Variants in CEP68 observed in about 807,000 individuals in gnomAD.
CEP68 encodes the protein centrosomal protein of 68 kDa.
Under a neutral mutation model 55.3 loss-of-function variants are expected in CEP68, and 26 were observed. The observed-to-expected ratio is 0.47, with a 90% confidence interval of 0.34 to 0.65. The LOEUF (loss-of-function observed/expected upper bound fraction) is 0.65. Ranked by LOEUF, CEP68 falls within the 30% of genes least tolerant of loss-of-function variation. The pLI is 0.01. For synonymous variants in CEP68, 402 were observed against 383.2 expected, an observed-to-expected ratio of 1.05 and a Z score of -0.57; for missense variants, 957 against 946.7, an observed-to-expected ratio of 1.01 and a Z score of -0.14.
At chr2:65,065,501 T>C (rs1411791017) in intron 1 of CEP68, among the ~76,000 whole-genome samples, 3 of 152,178 alleles carry the variant, frequency 2.0e-5, no homozygotes, top group Non-Finnish European at 2.9e-5. Context: ...TGAAAGGACA[T>C]ATAACGAAAC....
At position 65,063,943 on chromosome 2, in the gene CEP68, CAT is replaced by C. The variant is rs149473874; in HGVS notation, c.-46-5455_-46-5454del. On this transcript the variant is annotated intron_variant, in intron 1 of 6. Transcript: ENST00000377990. ...ATAGATTGGTTTTTATTTTCTTTCA[CAT>C]GTGTCTGTCTTGGTTCTCATAATAA... Among the ~76,000 whole-genome samples the C allele has an allele frequency of 5.4e-3, 817 of 152,272 alleles. 10 individuals are homozygous for C. The highest frequency in any genetic ancestry group is 0.018 in the African/African-American group (764 of 41,548).
At chr2:65,081,018 C>G (rs927750666) in intron 5 of CEP68, among the ~76,000 whole-genome samples, 17 of 152,044 alleles carry the variant, frequency 1.1e-4, no homozygotes, top group African/African-American at 3.9e-4. Context: ...CGAGACCAGC[C>G]TGGCCAGCAT....
intron 1 of CEP68, among the ~76,000 whole-genome samples, chr2:65,056,984 C>A (rs1675645030): frequency 6.6e-6 from 1 of 152,208 alleles, no homozygotes; most frequent in Non-Finnish European, 1.5e-5. Context: ...GGGCCTTTCC[C>A]CCTGGAAAGA....
intron 1 of CEP68, among the ~76,000 whole-genome samples, chr2:65,062,261 C>T (rs959224428): frequency 2.6e-5 from 4 of 152,158 alleles, no homozygotes; most frequent in Admixed American, 1.3e-4. Flanking sequence ...TGGCCAGGTG[C>T]GGTGACTCCC....
At chr2:65,056,635 C>G (rs1441034138) in intron 1 of CEP68, 107 bp downstream of exon 1, 1 of 152,052 alleles carries the variant, frequency 6.6e-6, no homozygotes, top group Non-Finnish European at 1.5e-5. Context: ...CCCCGCGTCT[C>G]TTCGGTGCCT....
intron 4 of CEP68, among the ~76,000 whole-genome samples, chr2:65,077,606 G>C (rs1558567407): frequency 6.6e-6 from 1 of 152,178 alleles, no homozygotes; most frequent in East Asian, 1.9e-4. Context: ...ACTCCAAGCT[G>C]TTTGTGAGCC....
At chr2:65,079,566 C>G (rs1676914244) in intron 5 of CEP68, among the ~76,000 whole-genome samples, 1 of 152,220 alleles carries the variant, frequency 6.6e-6, no homozygotes, top group Non-Finnish European at 1.5e-5. Flanking sequence ...GGCATTTTCA[C>G]TAGGGTTCTT....
intron 5 of CEP68, chr2:65,080,191 A>T: frequency 1.0e-6 from 1 of 970,304 alleles, no homozygotes; most frequent in Non-Finnish European, 1.2e-6. Flanking sequence ...TTTAAAATCA[A>T]TTTAATAATA....
chr2:65,074,397 T>G lies in CEP68; in HGVS notation c.2000T>G (p.Leu667Arg). The change falls in exon 4 of 7, where the codon CTT becomes CGT. Residue 667 changes from leucine (L) to arginine (R), a missense_variant. Coordinates refer to ENST00000377990, the MANE Select transcript of CEP68 (RefSeq NM_015147.3). ...ACAAGTCTCAAGTCTTCTCTGCAGC[T>G]TTACCGGGTAATATGCGGTCCTGGC... ...NLTSLKSSLQLYRQFKKDIDE... is the reference protein window; with the variant it reads ...NLTSLKSSLQRYRQFKKDIDE... 6.2e-7 allele frequency: 1 copy of G among 1,614,198 alleles called. No individual in the cohort carries two copies. The highest frequency in any genetic ancestry group is 8.5e-7 in the Non-Finnish European group (1 of 1,180,008).
chr2:65,064,430 G>A (rs1379348975), intron 1 of CEP68, among the ~76,000 whole-genome samples: 1 of 152,104 alleles, frequency 6.6e-6, no homozygotes, highest in East Asian at 1.9e-4. Context: ...GCCATTGAGA[G>A]AGTTTTTAGA....
chr2:65,078,535 TTTTTG>T (rs1441846071), intron 5 of CEP68, among the ~76,000 whole-genome samples: 5 of 152,282 alleles, frequency 3.3e-5, no homozygotes, highest in East Asian at 1.9e-4. Flanking sequence ...CTCAAGCCCC[TTTTTG>T]TTTTGTTTTG....
At position 65,071,645 on chromosome 2, in the gene CEP68, C is replaced by T. The variant is rs150940314; in HGVS notation, c.549C>T (p.Ser183=). 1.5e-5 allele frequency: 24 copies of T among 1,614,058 alleles called. No homozygotes were observed. The South Asian group carries it at 1.8e-4, about 12-fold the overall frequency. The change falls in exon 3 of 7, where the codon TCC becomes TCT. Residue 183 remains serine (S), a synonymous_variant. Coordinates refer to ENST00000377990, the MANE Select transcript of CEP68 (RefSeq NM_015147.3). ...SGLSCLSQWK[S]VLSPGSAAQP... is the part of the protein sequence containing the mutation. ...TCTCTTGCCTGTCACAGTGGAAGTC[C>T]GTGCTGAGCCCAGGTTCCGCAGCTC... is the stretch of plus-strand genomic sequence containing the variant.
chr2:65,065,232 C>G (rs1676109516), intron 1 of CEP68, among the ~76,000 whole-genome samples: 1 of 152,260 alleles, frequency 6.6e-6, no homozygotes, highest in Admixed American at 6.5e-5. Flanking sequence ...GCCTCAGCAG[C>G]TCTACTTCTG....
chr2:65,075,068 G>C (rs901172867), intron 4 of CEP68: 3 of 153,106 alleles, frequency 2.0e-5, no homozygotes, highest in African/African-American at 7.2e-5. Flanking sequence ...TTAAAGATCT[G>C]AGCTGAAATT....
intron 6 of CEP68, among the ~76,000 whole-genome samples, 199 bp downstream of exon 6, chr2:65,082,908 C>T (rs1301548471): frequency 1.3e-5 from 2 of 152,224 alleles, no homozygotes; most frequent in African/African-American, 2.4e-5. Context: ...CATTACTGTT[C>T]ACCCCTGCTG....
chr2:65,072,877 C>T lies in CEP68; in HGVS notation c.1781C>T (p.Pro594Leu). 1 of 1,614,226 alleles carries T rather than the reference C, an allele frequency of 6.2e-7. No individual in the cohort carries two copies. The highest frequency in any genetic ancestry group is 8.5e-7 in the Non-Finnish European group (1 of 1,180,048). The change falls in exon 3 of 7, where the codon CCA becomes CTA. Residue 594 changes from proline to leucine, a missense_variant. By Grantham distance (98) the Pro-to-Leu change is moderately conservative. Coordinates refer to ENST00000377990, the MANE Select transcript of CEP68 (RefSeq NM_015147.3). ...CTGCTGAAAACACGCCCCTCCTTGCCAGCTAGGTTGGACCGGTGGCCATTC... is the reference window on the plus strand; with the variant it reads ...CTGCTGAAAACACGCCCCTCCTTGCTAGCTAGGTTGGACCGGTGGCCATTC... ...SGLLKTRPSL[P>L]ARLDRWPFSD...
intron 3 of CEP68, chr2:65,073,233 G>T (rs974846768): frequency 1.9e-6 from 1 of 531,328 alleles, no homozygotes. Flanking sequence ...CTTGAGCCAA[G>T]AATGAGACCC....
rs956657236 is a variant in CEP68 at position 65,069,943 on chromosome 2, T to G, written c.357+142T>G. The G allele has an allele frequency of 7.3e-6, 6 of 816,854 alleles. No individual in the cohort carries two copies. The African/African-American group carries it at 8.5e-5, about 12-fold the overall frequency. The allele number at this position is 816,854 out of a possible 1,614,324, so 50.6% of individuals were successfully genotyped here. A position where few individuals can be genotyped will look rare whatever the true frequency, so the allele number is the denominator to read the frequency against. ...GGGCCTGAGTATGATGATTTCTGTT[T>G]TGCGGGTTCAGCTAGAGAGCTGGGC... On this transcript the variant is annotated intron_variant, in intron 2 of 6. Coordinates refer to ENST00000377990, the MANE Select transcript of CEP68 (RefSeq NM_015147.3).
chr2:65,081,608 CT>C (rs1668812155), intron 5 of CEP68, among the ~76,000 whole-genome samples: 1 of 152,226 alleles, frequency 6.6e-6, no homozygotes, highest in Non-Finnish European at 1.5e-5. Context: ...GAGATGCACT[CT>C]GACCCTAGCC....
Sources: gnomAD v4.1 joint callset for allele counts (sites outside exome capture counted in the v4.1 genomes callset) on GRCh38, gnomAD v4.1.1 for gene constraint, MANE v1.5 for transcripts, NCBI Gene and HGNC (gene_info 2026-07-23, HGNC 2026-07-21) for gene names.